Variants in RICTOR observed in about 807,000 individuals in gnomAD.
The protein encoded by RICTOR is rapamycin-insensitive companion of mTOR.
RICTOR carries 49 observed loss-of-function variants against 214.9 expected under a neutral mutation model. The ratio of observed to expected loss-of-function variants is 0.23; its 90% CI spans 0.18 to 0.29. The LOEUF (loss-of-function observed/expected upper bound fraction) is 0.29. RICTOR is among the 10% of genes least tolerant of loss of function. RICTOR has a pLI of 1.00. For synonymous variants in RICTOR, 717 were observed against 711.3 expected (o/e 1.01, Z -0.13); for missense variants, 1,625 against 2,047.0 (o/e 0.79, Z 3.98).
At chr5:39,017,097 C>T (rs1755017165) in intron 3 of RICTOR, among the ~76,000 whole-genome samples, 1 of 151,956 alleles carries the variant, frequency 6.6e-6, no homozygotes, top group Admixed American at 6.6e-5. Context: ...GCTGTAAGAC[C>T]CATGCTAGTA....
chr5:39,040,225 C>G (rs1185608326), intron 2 of RICTOR, among the ~76,000 whole-genome samples: 1 of 149,492 alleles, frequency 6.7e-6, no homozygotes, highest in Non-Finnish European at 1.5e-5. Flanking sequence ...GGACAAAAAA[C>G]CAAACACCAC....
intron 2 of RICTOR, among the ~76,000 whole-genome samples, chr5:39,051,151 G>A (rs1280896236): frequency 6.6e-6 from 1 of 151,806 alleles, no homozygotes; most frequent in Non-Finnish European, 1.5e-5. Flanking sequence ...TAAGCAGCAG[G>A]ATTCATATAC....
chr5:39,063,714 C>T (rs1239563119), intron 2 of RICTOR, among the ~76,000 whole-genome samples: 1 of 151,958 alleles, frequency 6.6e-6, no homozygotes, highest in Non-Finnish European at 1.5e-5. Context: ...CCTTCCTCAA[C>T]CACAACAGTA....
intron 6 of RICTOR, among the ~76,000 whole-genome samples, chr5:38,994,588 C>T (rs1049912378): frequency 7.2e-5 from 11 of 152,096 alleles, no homozygotes; most frequent in Admixed American, 3.3e-4. Flanking sequence ...ACAATTCTAC[C>T]GCTGATTCTA....
chr5:39,020,747 T>C (rs997927228), intron 3 of RICTOR, among the ~76,000 whole-genome samples: 5 of 152,102 alleles, frequency 3.3e-5, no homozygotes, highest in African/African-American at 1.2e-4. Flanking sequence ...GTAAAATGAG[T>C]AGAAGGCAAA....
At chr5:39,044,519 A>T (rs1757362437) in intron 2 of RICTOR, among the ~76,000 whole-genome samples, 1 of 151,494 alleles carries the variant, frequency 6.6e-6, no homozygotes, top group African/African-American at 2.4e-5. Flanking sequence ...AAGAGGGAAT[A>T]AAAAAAAACT....
chr5:38,990,528 TATATATACGATATATACACG>T (rs1752528267), intron 7 of RICTOR, among the ~76,000 whole-genome samples: 2 of 146,334 alleles, frequency 1.4e-5, no homozygotes, highest in Admixed American at 1.4e-4. Context: ...ATATATACGA[TATATATACGATATATACACG>T]ATATACACGA....
At chr5:39,003,128 T>G (rs1753774146) in intron 4 of RICTOR, among the ~76,000 whole-genome samples, 1 of 152,128 alleles carries the variant, frequency 6.6e-6, no homozygotes, top group Non-Finnish European at 1.5e-5. Flanking sequence ...ATATCAATTT[T>G]AATTCCTAAG....
rs114329027 is a variant in RICTOR, at chr5:38,952,484, C to T, written c.2898-59G>A. The T allele has an allele frequency of 1.5e-3, 1,723 of 1,161,044 alleles. 22 individuals are homozygous for T. The African/African-American group carries it at 0.018, about 12-fold the overall frequency. The allele number at this position is 1,161,044 out of a possible 1,614,324, so 71.9% of individuals were successfully genotyped here. The stretch of plus-strand genomic sequence containing the variant: ...ATTCCAAGCTGAGATTTCTTAAAGC[C>T]ACCACAGATTAATTTGCTATACATA... On this transcript the variant is annotated intron_variant, in intron 29 of 37. Coordinates refer to ENST00000357387, the MANE Select transcript of RICTOR (RefSeq NM_152756.5).
At chr5:38,947,224 A>G in intron 32 of RICTOR, 40 bp downstream of exon 32, 1 of 1,478,512 alleles carries the variant, frequency 6.8e-7, no homozygotes, top group Non-Finnish European at 9.3e-7. Flanking sequence ...AAAAAATAGG[A>G]AACCAACTCA....
chr5:39,005,662 TA>T (rs1242646787), intron 3 of RICTOR, among the ~76,000 whole-genome samples: 1 of 152,216 alleles, frequency 6.6e-6, no homozygotes, highest in Non-Finnish European at 1.5e-5. Flanking sequence ...CCTTTTGTTC[TA>T]GTCATGTAAT....
At chr5:39,023,369 TAAC>T (rs200333694) in intron 2 of RICTOR, among the ~76,000 whole-genome samples, 1,817 of 151,348 alleles carry the variant, frequency 0.012, 17 homozygotes, top group Non-Finnish European at 0.018. Flanking sequence ...AAAAAAAAGA[TAAC>T]AACGGATTTC....
At chr5:39,056,022 C>T (rs552211344) in intron 2 of RICTOR, among the ~76,000 whole-genome samples, 1 of 152,288 alleles carries the variant, frequency 6.6e-6, no homozygotes, top group African/African-American at 2.4e-5. Context: ...AAGTACTTCT[C>T]TTAACCCAGA....
intron 3 of RICTOR, among the ~76,000 whole-genome samples, chr5:39,019,103 C>A (rs1367861234): frequency 6.6e-6 from 1 of 152,054 alleles, no homozygotes; most frequent in Non-Finnish European, 1.5e-5. Flanking sequence ...GTTATGAAGG[C>A]TGAGAGGTGA....
At position 39,037,349 on chromosome 5, in the gene RICTOR, C is replaced by A. The variant is rs1344112729; in HGVS notation, c.98-16213G>T. Among the ~76,000 whole-genome samples the A allele has an allele frequency of 3.2e-3, 480 of 151,738 alleles. 1 individual carries two copies. The highest frequency in any genetic ancestry group is 0.01 in the Middle Eastern group (3 of 292). ...AGAGGGAAATTTATAGCACTAAATG[C>A]CCACAAGAGAAAGCAGGAAAGATCC... On this transcript the variant is annotated intron_variant, in intron 2 of 37. Coordinates refer to ENST00000357387, the MANE Select transcript of RICTOR (RefSeq NM_152756.5).
Position 38,945,486 on chromosome 5 carries a change from C to T in RICTOR, c.4633+5G>A, listed in dbSNP as rs765625947. On this transcript the variant is annotated splice_donor_5th_base_variant and intron_variant, in intron 34 of 37. Transcript: ENST00000357387. ...TTTTTCTGAAGGTGGGACGTGATCA[C>T]TTACCTGAATGACTACATATTGCAC... The T allele has an allele frequency of 1.3e-6, 2 of 1,592,260 alleles. No homozygotes were observed. The highest frequency in any genetic ancestry group is 2.2e-5 in the South Asian group (2 of 90,340).
At chr5:39,041,122 A>T (rs1757135709) in intron 2 of RICTOR, among the ~76,000 whole-genome samples, 1 of 152,252 alleles carries the variant, frequency 6.6e-6, no homozygotes, top group South Asian at 2.1e-4. Flanking sequence ...TAAAAGAAAT[A>T]CTGAGCAAGA....
At chr5:39,041,673 A>C (rs1278113022) in intron 2 of RICTOR, among the ~76,000 whole-genome samples, 1 of 152,202 alleles carries the variant, frequency 6.6e-6, no homozygotes, top group Non-Finnish European at 1.5e-5. Flanking sequence ...ATTCACTAAC[A>C]GGGAATCCTA....
At chr5:38,985,357 T>G (rs779952235) in intron 7 of RICTOR, among the ~76,000 whole-genome samples, 51 of 151,866 alleles carry the variant, frequency 3.4e-4, no homozygotes, top group Admixed American at 5.9e-4. Context: ...ATTTAAAATT[T>G]TTTTTTTCTC....
Sources: allele counts gnomAD v4.1 joint callset (sites outside exome capture counted in the v4.1 genomes callset), GRCh38; gene constraint gnomAD v4.1.1; transcripts MANE v1.5; gene names NCBI Gene and HGNC (gene_info 2026-07-23, HGNC 2026-07-21).